DMTN: variants seen among roughly 807,000 people sequenced by gnomAD.
The protein encoded by DMTN is dematin.
A neutral mutation model predicts 59.4 loss-of-function variants in DMTN; 27 were observed. The ratio of observed to expected loss-of-function variants is 0.45; its 90% CI spans 0.33 to 0.63. The LOEUF is 0.63. Among genes scored for constraint, DMTN ranks in the 20% least tolerant of loss-of-function variants. The pLI is 0.02. For missense variants in DMTN, 451 were observed against 528.9 expected (o/e 0.85, Z 1.45); for synonymous variants, 221 against 203.7 (o/e 1.08, Z -0.72).
At chr8:22,080,147 G>T in intron 10 of DMTN, 33 bp from the exon 11 acceptor site, 1 of 1,613,632 alleles carries the variant, frequency 6.2e-7, no homozygotes, top group Non-Finnish European at 8.5e-7. Context: ...AGGGCCAAAG[G>T]GACTGAACTC....
At chr8:22,049,851 C>T (rs1001045698), upstream of DMTN, among the ~76,000 whole-genome samples, 2 of 152,188 alleles carry the variant, frequency 1.3e-5, no homozygotes, top group African/African-American at 2.4e-5. Flanking sequence ...CCCTTCTCCT[C>T]TCTGCTCCCT....
Position 22,080,468 on chromosome 8 carries a change from G to A in DMTN, c.949+8G>A, listed in dbSNP as rs758580548. The A allele has an allele frequency of 1.9e-6, 3 of 1,614,270 alleles. No individual in the cohort carries two copies. Among genetic ancestry groups the A allele is most frequent in the Non-Finnish European group, 2.5e-6 (3 of 1,180,054 alleles). ...GTGAGACTGGAAGCCCAGGTGAGAA[G>A]TGGGGCCTGGTGCCGGGGTCTGGAG... On this transcript the variant is annotated splice_region_variant and intron_variant, in intron 12 of 15. Coordinates refer to ENST00000358242, the MANE Select transcript of DMTN (RefSeq NM_001387751.1).
upstream of DMTN, among the ~76,000 whole-genome samples, chr8:22,052,842 G>A (rs1448230210): frequency 1.3e-5 from 2 of 152,134 alleles, no homozygotes; most frequent in African/African-American, 4.8e-5. Context: ...TGTAGCACAT[G>A]TGGATGAGTT....
intron 1 of DMTN, among the ~76,000 whole-genome samples, chr8:22,063,035 C>T (rs1807810198): frequency 6.6e-6 from 1 of 152,178 alleles, no homozygotes; most frequent in South Asian, 2.1e-4. Context: ...TTTGAACTAC[C>T]ACCTCTAGGC....
At chr8:22,071,904 T>A (rs1440940129) in intron 8 of DMTN, among the ~76,000 whole-genome samples, 1 of 152,026 alleles carries the variant, frequency 6.6e-6, no homozygotes, top group Non-Finnish European at 1.5e-5. Flanking sequence ...AATATTTATT[T>A]GTTTATTAAG....
chr8:22,066,500 CATTT>C, intron 1 of DMTN: 1 of 164,318 alleles, frequency 6.1e-6, no homozygotes, highest in Non-Finnish European at 1.3e-5. Context: ...CCCCTGCCGT[CATTT>C]CCTTTGAAGC....
In DMTN at chr8:22,060,188, T is replaced by C. The variant is rs1267695136; in HGVS notation, c.-172+3052T>C. Among the ~76,000 whole-genome samples the C allele has an allele frequency of 6.6e-6, 1 of 152,132 alleles. No individual in the cohort carries two copies. Among genetic ancestry groups the C allele is most frequent in the Non-Finnish European group, 1.5e-5 (1 of 68,020 alleles). On this transcript the variant is annotated intron_variant, in intron 1 of 15. Transcript: ENST00000358242. The surrounding 1 kb of genome is among the most constrained non-coding windows in gnomAD (Gnocchi z 5.0). ...CCTCTTCCTGCTGCAGCTCGCCCTT[T>C]CTATCTCTTTGTGCACGGAGGTCGC...
chr8:22,071,551 C>T (rs1326012636), intron 8 of DMTN, among the ~76,000 whole-genome samples: 1 of 152,014 alleles, frequency 6.6e-6, no homozygotes, highest in Non-Finnish European at 1.5e-5. Flanking sequence ...CCCACCACCA[C>T]ACCTGGCTAA....
At position 22,080,469 on chromosome 8, in the gene DMTN, T is replaced by TG. The variant is rs1439600793; in HGVS notation, c.949+13dup. The TG allele has an allele frequency of 1.2e-6, 2 of 1,614,204 alleles. No individual in the cohort carries two copies. Among genetic ancestry groups the TG allele is most frequent in the Non-Finnish European group, 1.7e-6 (2 of 1,180,026 alleles). ...TGAGACTGGAAGCCCAGGTGAGAAG[T>TG]GGGGCCTGGTGCCGGGGTCTGGAGA... is the stretch of plus-strand genomic sequence containing the variant. On this transcript the variant is annotated intron_variant, in intron 12 of 15. Transcript: ENST00000358242.
rs771271089 is a variant in DMTN at position 22,067,515 on chromosome 8, C to T, written c.94-12C>T. The T allele has an allele frequency of 8.7e-6, 14 of 1,613,984 alleles. No homozygotes were observed. Among genetic ancestry groups the T allele is most frequent in the Non-Finnish European group, 1.0e-5 (12 of 1,179,982 alleles). ...TTCGGCACAGCAGTTTCACGCGCAC[C>T]TTTCCCTTCAGGCCAAGATGGACAA... On this transcript the variant is annotated splice_polypyrimidine_tract_variant and intron_variant, in intron 3 of 15. Coordinates refer to ENST00000358242, the MANE Select transcript of DMTN (RefSeq NM_001387751.1).
chr8:22,068,426 GAT>G lies in DMTN; in HGVS notation c.250-589_250-588del, dbSNP rs1374460586. Among the ~76,000 whole-genome samples the G allele has an allele frequency of 4.6e-5, 7 of 152,290 alleles. No homozygotes were observed. The East Asian group carries it at 1.4e-3, about 29-fold the overall frequency. On this transcript the variant is annotated intron_variant, in intron 4 of 15. Coordinates refer to ENST00000358242, the MANE Select transcript of DMTN (RefSeq NM_001387751.1). ...CCCCCATCTCTACAAAAATTAGCAAGATGTGGTGCTGTGCACCTGTAGTTTCA... is the reference window on the plus strand; with the variant it reads ...CCCCCATCTCTACAAAAATTAGCAAGGTGGTGCTGTGCACCTGTAGTTTCA...
At chr8:22,079,305 C>G (rs1822544063) in intron 10 of DMTN, among the ~76,000 whole-genome samples, 1 of 16,544 alleles carries the variant, frequency 6.0e-5, no homozygotes, top group Non-Finnish European at 2.3e-4. Context: ...TATATATTAG[C>G]TGGGTTTGAT....
Position 22,066,901 on chromosome 8 carries a change from G to GCGC in DMTN, c.18+13_18+15dup. 7.9e-7 allele frequency: 1 copy of GCGC among 1,267,826 alleles called. No individual in the cohort carries two copies. Among genetic ancestry groups the GCGC allele is most frequent in the South Asian group, 2.7e-5 (1 of 36,660 alleles). The allele number at this position is 1,267,826 out of a possible 1,614,324, so 78.5% of individuals were successfully genotyped here. ...ATGGAACGGCTGCAGAAGGTGCGCG[G>GCGC]CGCCGCCCCGGGCCGGGGCCGCCGA... On this transcript the variant is annotated intron_variant, in intron 2 of 15. Coordinates refer to ENST00000358242, the MANE Select transcript of DMTN (RefSeq NM_001387751.1).
chr8:22,065,827 CTTTTT>C (rs76626050), intron 1 of DMTN, among the ~76,000 whole-genome samples: 5,353 of 74,410 alleles, frequency 0.072, 348 homozygotes, highest in Admixed American at 0.1. Context: ...AGAGCAAGAC[CTTTTT>C]TTTTTTTTTT....
At position 22,078,798 on chromosome 8, in the gene DMTN, G is replaced by GTTTTTTTTTTT. The variant is rs1224977627; in HGVS notation, c.836-1376_836-1366dup. Among the ~76,000 whole-genome samples, 162 of 85,068 alleles carry GTTTTTTTTTTT rather than the reference G, an allele frequency of 1.9e-3. 14 individuals are homozygous for GTTTTTTTTTTT. The highest frequency in any genetic ancestry group is 4.3e-3 in the East Asian group (10 of 2,342). The allele number at this position is 85,068 out of a possible 152,430, so 55.8% of individuals were successfully genotyped here. On this transcript the variant is annotated intron_variant, in intron 10 of 15. Coordinates refer to ENST00000358242, the MANE Select transcript of DMTN (RefSeq NM_001387751.1). ...TCTTTCTGTAGTATAATGTCAGACT[G>GTTTTTTTTTTT]TTTTTTTTTTTTTTTTGAGATGGAG... is the stretch of plus-strand genomic sequence containing the variant.
Position 22,066,783 on chromosome 8 carries a change from C to G in DMTN, c.-93C>G. ...AGCTGCTTTCGCGGCCCCAAGCGCG[C>G]AGCGCCCAGCAGCCGCGCCGAGCCT... On this transcript the variant is annotated 5_prime_UTR_variant, in exon 2 of 16. Coordinates refer to ENST00000358242, the MANE Select transcript of DMTN (RefSeq NM_001387751.1). 1 of 1,338,562 alleles carries G rather than the reference C, an allele frequency of 7.5e-7. No individual in the cohort carries two copies. The allele number at this position is 1,338,562 out of a possible 1,614,324, so 82.9% of individuals were successfully genotyped here. A position where few individuals can be genotyped will look rare whatever the true frequency, so the allele number is the denominator to read the frequency against.
chr8:22,056,536 A>G (rs1802652305), upstream of DMTN, among the ~76,000 whole-genome samples: 1 of 142,426 alleles, frequency 7.0e-6, no homozygotes, highest in Non-Finnish European at 1.5e-5. Context: ...GCTGTTTAGG[A>G]GGAGGCTGAG....
Position 22,081,094 on chromosome 8 carries a change from C to CGGGG in DMTN, c.1024-19_1024-18insGGGG. 3.3e-6 allele frequency: 2 copies of CGGGG among 599,780 alleles called. No homozygotes were observed. The highest frequency in any genetic ancestry group is 6.2e-6 in the Non-Finnish European group (2 of 323,048). The allele number at this position is 599,780 out of a possible 1,614,324, so 37.2% of individuals were successfully genotyped here. ...AGGATATTCTGTGAGCCTAAGATTG[C>CGGGG]CCCTCCCCCCACCCCCAGATCTATC... is the stretch of plus-strand genomic sequence containing the variant. On this transcript the variant is annotated intron_variant, in intron 14 of 15. Transcript: ENST00000358242.
chr8:22,067,305 G>A lies in DMTN; in HGVS notation c.93+146G>A, dbSNP rs1042032515. 4 of 1,125,908 alleles carry A rather than the reference G, an allele frequency of 3.6e-6. No homozygotes were observed. The Admixed American group carries it at 1.1e-4, about 31-fold the overall frequency. The allele number at this position is 1,125,908 out of a possible 1,614,324, so 69.7% of individuals were successfully genotyped here. A position where few individuals can be genotyped will look rare whatever the true frequency, so the allele number is the denominator to read the frequency against. Reference sequence around the variant, plus strand: ...GGCAGAGAGAACCCAGAAACCCAGAGAAGCTCCCATATCCCCCTTCCACTG... The same window carrying A: ...GGCAGAGAGAACCCAGAAACCCAGAAAAGCTCCCATATCCCCCTTCCACTG... On this transcript the variant is annotated intron_variant, in intron 3 of 15. Transcript: ENST00000358242.
Sources: gnomAD v4.1 joint callset for allele counts (sites outside exome capture counted in the v4.1 genomes callset) on GRCh38, gnomAD v4.1.1 for gene constraint, Gnocchi (gnomAD v3.1) non-coding constraint, MANE v1.5 for transcripts, NCBI Gene and HGNC (gene_info 2026-07-23, HGNC 2026-07-21) for gene names.